KIF5A: variants seen among roughly 807,000 people sequenced by gnomAD.
KIF5A encodes kinesin heavy chain isoform 5A.
KIF5A carries 35 observed loss-of-function variants against 141.3 expected under a neutral mutation model. The ratio of observed to expected loss-of-function variants is 0.25; its 90% CI spans 0.19 to 0.33. KIF5A has a LOEUF of 0.33. Ranked by LOEUF, KIF5A falls within the 10% of genes least tolerant of loss-of-function variation. The probability of loss-of-function intolerance (pLI) is 1.00; values close to 1 mark genes in which losing one functional copy is unlikely to be tolerated. For missense variants in KIF5A, 861 were observed against 1,314.3 expected (o/e 0.66, Z 5.33); for synonymous variants, 448 against 500.2 (o/e 0.90, Z 1.39).
At chr12:57,578,435 G>C (rs1159765907) in intron 23 of KIF5A, 93 bp downstream of exon 23, 5 of 842,094 alleles carry the variant, frequency 5.9e-6, no homozygotes, top group Non-Finnish European at 1.0e-5. Flanking sequence ...GGAAAATCTA[G>C]TTGCATGTTT....
intron 7 of KIF5A, 35 bp downstream of exon 7, chr12:57,567,248 A>T: frequency 6.6e-7 from 1 of 1,517,930 alleles, no homozygotes; most frequent in South Asian, 1.1e-5. Flanking sequence ...CTCGAGTCTG[A>T]GGATCCACTT....
At chr12:57,551,395 G>A (rs2054515) in intron 1 of KIF5A, among the ~76,000 whole-genome samples, 1,606 of 152,256 alleles carry the variant, frequency 0.011, 21 homozygotes, top group African/African-American at 0.032. Context: ...CTAAATCTGT[G>A]ACTGCAAACC....
At chr12:57,571,422 A>T (rs1157273792) in intron 13 of KIF5A, 33 bp downstream of exon 13, 2 of 1,611,152 alleles carry the variant, frequency 1.2e-6, no homozygotes, top group African/African-American at 2.7e-5. Flanking sequence ...ATGAGAGGAA[A>T]GGGGTTCTGT....
chr12:57,575,630 C>G lies in KIF5A; in HGVS notation c.1906-10C>G, dbSNP rs561056213. ...CCATCTTCTTCCTCTCACCAACTTTCTCCCACCAGCATGAGGCCAAGATCC... is the reference window on the plus strand; with the variant it reads ...CCATCTTCTTCCTCTCACCAACTTTGTCCCACCAGCATGAGGCCAAGATCC... On this transcript the variant is annotated splice_polypyrimidine_tract_variant and intron_variant, in intron 16 of 28. Transcript: ENST00000455537. The G allele has an allele frequency of 5.0e-6, 8 of 1,612,124 alleles. No homozygotes were observed. The highest frequency in any genetic ancestry group is 1.6e-4 in the Middle Eastern group (1 of 6,062).
At chr12:57,564,428 T>G (rs1882002165) in intron 4 of KIF5A, 32 bp from the exon 5 acceptor site, 1 of 1,557,526 alleles carries the variant, frequency 6.4e-7, no homozygotes, top group South Asian at 1.1e-5. Flanking sequence ...TAGGCCCTCT[T>G]TACTTCACAC....
rs769712123 is a variant in KIF5A, at chr12:57,569,622, G to A, written c.1056G>A (p.Lys352=). The A allele has an allele frequency of 1.2e-6, 2 of 1,614,004 alleles. No individual in the cohort carries two copies. The highest frequency in any genetic ancestry group is 3.3e-5 in the Admixed American group (2 of 60,010). Reference sequence around the variant, plus strand: ...AGAAATATGAGAAGGAGAAGGAGAAGACAAAGGCCCAGAAGGAGACGATTG... The same window carrying A: ...AGAAATATGAGAAGGAGAAGGAGAAAACAAAGGCCCAGAAGGAGACGATTG... The part of the protein sequence containing the change: ...WKKKYEKEKE[K]TKAQKETIAK... Residue 352 remains lysine, a synonymous_variant, in exon 11 of 29, where the codon AAG becomes AAA. Transcript: ENST00000455537.
intron 1 of KIF5A, among the ~76,000 whole-genome samples, chr12:57,552,145 G>A (rs913707890): frequency 3.3e-5 from 5 of 152,200 alleles, no homozygotes; most frequent in Non-Finnish European, 5.9e-5. Flanking sequence ...TGAGAAACAG[G>A]AGGAGGGTGA....
intron 1 of KIF5A, among the ~76,000 whole-genome samples, chr12:57,556,125 A>G (rs1881733358): frequency 6.9e-6 from 1 of 145,732 alleles, no homozygotes; most frequent in East Asian, 2.1e-4. Flanking sequence ...AAATGCACCA[A>G]TTTTTAGCTC....
At chr12:57,554,042 A>G (rs1853950385) in intron 1 of KIF5A, among the ~76,000 whole-genome samples, 1 of 152,148 alleles carries the variant, frequency 6.6e-6, no homozygotes, top group South Asian at 2.1e-4. Flanking sequence ...GAGTGATGAA[A>G]GGCTTTAGTT....
chr12:57,568,657 G>A (rs764440178), intron 8 of KIF5A, among the ~76,000 whole-genome samples: 14 of 152,030 alleles, frequency 9.2e-5, no homozygotes, highest in African/African-American at 2.4e-4. Flanking sequence ...CCTGGGAGGC[G>A]GAGGTTGTGG....
At chr12:57,554,831 A>G (rs763573831) in intron 1 of KIF5A, among the ~76,000 whole-genome samples, 1 of 152,192 alleles carries the variant, frequency 6.6e-6, no homozygotes, top group Non-Finnish European at 1.5e-5. Flanking sequence ...CAGCTCTCAC[A>G]TGAACTCATA....
At chr12:57,575,907 A>C in intron 17 of KIF5A, 150 bp downstream of exon 17, 3 of 905,598 alleles carry the variant, frequency 3.3e-6, no homozygotes, top group Non-Finnish European at 5.6e-6. Flanking sequence ...CATGTAGCTC[A>C]TTTTACATTA....
At chr12:57,581,633 G>T (rs1469216245) in intron 25 of KIF5A, 65 bp downstream of exon 25, 4 of 1,562,912 alleles carry the variant, frequency 2.6e-6, no homozygotes, top group Non-Finnish European at 3.5e-6. Context: ...AAGGCATAGG[G>T]TGGGGGCAGT....
At chr12:57,575,379 TC>T in intron 16 of KIF5A, 107 bp downstream of exon 16, 1 of 1,259,044 alleles carries the variant, frequency 7.9e-7, no homozygotes. Flanking sequence ...AGTTCTGGGG[TC>T]AAGTGAAATC....
At chr12:57,571,292 C>T (rs1484548650) in intron 12 of KIF5A, 29 bp from the exon 13 acceptor site, 1 of 1,368,298 alleles carries the variant, frequency 7.3e-7, no homozygotes, top group Admixed American at 1.7e-5. Flanking sequence ...AGCTTCCCTT[C>T]ACCTGTCTTT....
chr12:57,578,033 A>C lies in KIF5A; in HGVS notation c.2386A>C (p.Asn796His). 3 of 1,614,174 alleles carry C rather than the reference A, an allele frequency of 1.9e-6. No homozygotes were observed. Among genetic ancestry groups the C allele is most frequent in the African/African-American group, 1.3e-5 (1 of 75,054 alleles). Residue 796 changes from asparagine to histidine, a missense_variant, in exon 22 of 29, where the codon AAC becomes CAC. Asn to His is a moderately conservative substitution (Grantham distance 68, BLOSUM62 1). This residue lies in a region of KIF5A where 482 missense variants were observed against 661.3 expected (regional missense o/e 0.73). Coordinates refer to ENST00000455537, the MANE Select transcript of KIF5A (RefSeq NM_004984.4). ...TVARELQTLH[N>H]LRKLFVQDVT... ...GGCCCGGGAACTCCAGACCCTCCAC[A>C]ACCTTCGCAAGCTGTTCGTTCAAGA...
intron 1 of KIF5A, among the ~76,000 whole-genome samples, chr12:57,561,460 T>C (rs1466237493): frequency 1.3e-5 from 2 of 152,204 alleles, no homozygotes; most frequent in African/African-American, 4.8e-5. Flanking sequence ...GTTGGTAATT[T>C]ACAGAGAGCA....
intron 6 of KIF5A, among the ~76,000 whole-genome samples, chr12:57,566,071 C>T (rs1468549326): frequency 1.3e-5 from 2 of 151,820 alleles, no homozygotes; most frequent in African/African-American, 4.8e-5. Flanking sequence ...TGCACTCCAG[C>T]CTGTGTAGTA....
At chr12:57,582,754 C>G in intron 27 of KIF5A, 125 bp downstream of exon 27, 3 of 816,454 alleles carry the variant, frequency 3.7e-6, no homozygotes, top group Non-Finnish European at 6.5e-6. Flanking sequence ...GAGACTCATT[C>G]TTTTCATCAC....
Sources: gnomAD v4.1 joint callset for allele counts (sites outside exome capture counted in the v4.1 genomes callset) on GRCh38, gnomAD v4.1.1 for gene constraint, gnomAD v4.1.1 regional missense constraint, MANE v1.5 for transcripts, NCBI Gene and HGNC (gene_info 2026-07-23, HGNC 2026-07-21) for gene names.